NEK1: variants seen among roughly 807,000 people sequenced by gnomAD.
NEK1 encodes NIMA related kinase 1.
A neutral mutation model predicts 182.1 loss-of-function variants in NEK1; 137 were observed. The ratio of observed to expected loss-of-function variants is 0.75; its 90% CI spans 0.65 to 0.87. The LOEUF is 0.87. Ranked by LOEUF, NEK1 falls within the 40% of genes least tolerant of loss-of-function variation. NEK1 has a pLI of 0.00. For missense variants in NEK1, 1,391 were observed against 1,494.4 expected, an observed-to-expected ratio of 0.93 and a Z score of 1.14; for synonymous variants, 513 against 492.2, an observed-to-expected ratio of 1.04 and a Z score of -0.56.
chr4:169,508,755 T>C lies in NEK1; in HGVS notation c.1749+14A>G. 1 of 1,552,520 alleles carries C rather than the reference T, an allele frequency of 6.4e-7. No individual in the cohort carries two copies. Among genetic ancestry groups the C allele is most frequent in the Non-Finnish European group, 8.7e-7 (1 of 1,154,074 alleles). On this transcript the variant is annotated intron_variant, in intron 20 of 35. Transcript: ENST00000507142. The stretch of plus-strand genomic sequence containing the variant: ...GGCTATGTGATGGAGGTAGCGAACA[T>C]GCGGGAAGCATACCTCTTCCTCTTT...
intron 16 of NEK1, among the ~76,000 whole-genome samples, chr4:169,561,239 T>C (rs564716766): frequency 6.6e-6 from 1 of 152,318 alleles, no homozygotes; most frequent in South Asian, 2.1e-4. Flanking sequence ...AATAATGTTA[T>C]CATAGTCTTC....
chr4:169,470,737 C>T (rs1561245935), intron 26 of NEK1, among the ~76,000 whole-genome samples: 1 of 152,200 alleles, frequency 6.6e-6, no homozygotes, highest in African/African-American at 2.4e-5. Context: ...CCATTCTCCC[C>T]GTCACTTTCA....
At chr4:169,443,108 A>T in intron 27 of NEK1, among the ~76,000 whole-genome samples, 1 of 111,716 alleles carries the variant, frequency 9.0e-6, no homozygotes, top group African/African-American at 3.6e-5. Flanking sequence ...TCTATCTCAT[A>T]ATTTGAGACC....
At position 169,434,772 on chromosome 4, in the gene NEK1, T is replaced by A. The variant is rs145678455; in HGVS notation, c.2765-1107A>T. Among the ~76,000 whole-genome samples the A allele has an allele frequency of 2.0e-3, 308 of 152,368 alleles. 1 individual carries two copies. The highest frequency in any genetic ancestry group is 6.9e-3 in the African/African-American group (289 of 41,586). ...TTTGGAAAGACAACTGATATTGTACTAATCTTTAAGTTTTTATCTTTTATT... is the reference window on the plus strand; with the variant it reads ...TTTGGAAAGACAACTGATATTGTACAAATCTTTAAGTTTTTATCTTTTATT... On this transcript the variant is annotated intron_variant, in intron 28 of 35. Coordinates refer to ENST00000507142, the MANE Select transcript of NEK1 (RefSeq NM_001199397.3).
intron 23 of NEK1, among the ~76,000 whole-genome samples, chr4:169,484,450 G>A (rs1748684517): frequency 6.6e-6 from 1 of 152,094 alleles, no homozygotes; most frequent in African/African-American, 2.4e-5. Flanking sequence ...TACCTATTAA[G>A]GCCAAGCACA....
chr4:169,555,555 A>AT (rs1762039887), intron 18 of NEK1, 165 bp downstream of exon 18: 1 of 761,128 alleles, frequency 1.3e-6, no homozygotes, highest in Non-Finnish European at 2.2e-6. Context: ...CTTTCAGAGT[A>AT]ATCAAGGGCC....
At chr4:169,554,893 G>A (rs1265572846) in intron 18 of NEK1, 1 of 152,184 alleles carries the variant, frequency 6.6e-6, no homozygotes, top group East Asian at 1.9e-4. Flanking sequence ...TTGTGCATGT[G>A]TGAGGAAGGG....
intron 12 of NEK1, among the ~76,000 whole-genome samples, chr4:169,575,780 C>G (rs1765593815): frequency 6.6e-6 from 1 of 152,168 alleles, no homozygotes; most frequent in African/African-American, 2.4e-5. Flanking sequence ...ATACCCTACC[C>G]AGTAAGGTCT....
chr4:169,607,698 T>C (rs887152483), intron 2 of NEK1, among the ~76,000 whole-genome samples: 16 of 151,834 alleles, frequency 1.1e-4, no homozygotes, highest in Admixed American at 5.9e-4. Flanking sequence ...CTCCTGACCT[T>C]GTGATCCGCC....
At chr4:169,542,527 T>C (rs1012760020) in intron 18 of NEK1, among the ~76,000 whole-genome samples, 2 of 152,212 alleles carry the variant, frequency 1.3e-5, no homozygotes, top group East Asian at 1.9e-4. Flanking sequence ...AGTAATGGGA[T>C]TGCTGGGTCA....
intron 18 of NEK1, among the ~76,000 whole-genome samples, chr4:169,547,836 T>G (rs1043431040): frequency 8.5e-5 from 13 of 152,210 alleles, no homozygotes; most frequent in African/African-American, 2.9e-4. Flanking sequence ...ATTTATGTTC[T>G]TCTTTAAACT....
chr4:169,412,835 AC>A (rs1733893327), intron 31 of NEK1, among the ~76,000 whole-genome samples: 1 of 148,898 alleles, frequency 6.7e-6, no homozygotes, highest in Admixed American at 6.7e-5. Flanking sequence ...AGGCTTATCT[AC>A]GTTTCAGGAG....
At chr4:169,436,759 T>C (rs1738488526) in intron 28 of NEK1, among the ~76,000 whole-genome samples, 2 of 152,234 alleles carry the variant, frequency 1.3e-5, no homozygotes. Flanking sequence ...GTCAAGGTTG[T>C]GCACATAAGA....
At position 169,577,158 on chromosome 4, in the gene NEK1, CTGTT is replaced by C; in HGVS notation, c.869-83_869-80del. ...ACTTTCAGAATTCTTCAAGATAGCA[CTGTT>C]TAATTTTCATAATCATTGATAGTAT... is the stretch of plus-strand genomic sequence containing the variant. On this transcript the variant is annotated intron_variant, in intron 11 of 35. Coordinates refer to ENST00000507142, the MANE Select transcript of NEK1 (RefSeq NM_001199397.3). 3.0e-6 allele frequency: 4 copies of C among 1,345,312 alleles called. No individual in the cohort carries two copies. In the East Asian group the frequency reaches 9.3e-5, roughly 31 times the overall value. 83.3% of individuals were successfully genotyped at this position (1,345,312 alleles called of 1,614,324 possible).
chr4:169,429,365 CA>C (rs1358253695), intron 29 of NEK1, among the ~76,000 whole-genome samples: 1 of 151,918 alleles, frequency 6.6e-6, no homozygotes, highest in African/African-American at 2.4e-5. Context: ...GAGTAGATAC[CA>C]AAAGTAAAAG....
At chr4:169,524,479 A>T (rs1471744642) in intron 19 of NEK1, among the ~76,000 whole-genome samples, 4 of 151,978 alleles carry the variant, frequency 2.6e-5, no homozygotes, top group Admixed American at 2.6e-4. Flanking sequence ...AAAAAAAAAA[A>T]AGAAAAATGT....
At chr4:169,473,997 T>C (rs1227648724) in intron 26 of NEK1, among the ~76,000 whole-genome samples, 1 of 152,028 alleles carries the variant, frequency 6.6e-6, no homozygotes, top group Non-Finnish European at 1.5e-5. Context: ...GAACTAGAAT[T>C]GTAAACAGAG....
intron 28 of NEK1, 37 bp downstream of exon 28, chr4:169,438,046 A>C: frequency 6.7e-7 from 1 of 1,498,242 alleles, no homozygotes; most frequent in Non-Finnish European, 9.0e-7. Flanking sequence ...GTTTTTACTA[A>C]ATCAAATATA....
chr4:169,526,468 G>T (rs1756920347), intron 19 of NEK1, among the ~76,000 whole-genome samples: 1 of 152,114 alleles, frequency 6.6e-6, no homozygotes, highest in Non-Finnish European at 1.5e-5. Flanking sequence ...TTTAACCTGG[G>T]TGACAGAGGG....
Sources: gnomAD v4.1 joint callset for allele counts (sites outside exome capture counted in the v4.1 genomes callset) on GRCh38, gnomAD v4.1.1 for gene constraint, MANE v1.5 for transcripts, NCBI Gene and HGNC (gene_info 2026-07-23, HGNC 2026-07-21) for gene names.